The following GRID1 variants were observed in gnomAD, a reference collection of about 807,000 sequenced individuals.
GRID1 encodes the protein glutamate receptor ionotropic, delta-1.
In GRID1, 28 loss-of-function variants were observed where a neutral mutation model predicts 98.0. The ratio of observed to expected loss-of-function variants is 0.29; its 90% CI spans 0.21 to 0.39. The LOEUF (loss-of-function observed/expected upper bound fraction) is 0.39. Ranked by LOEUF, GRID1 falls within the 10% of genes least tolerant of loss-of-function variation. GRID1 has a pLI of 1.00. For synonymous variants in GRID1, 553 were observed against 538.5 expected, an observed-to-expected ratio of 1.03 and a Z score of -0.37; for missense variants, 1,111 against 1,340.5, an observed-to-expected ratio of 0.83 and a Z score of 2.67.
intron 5 of GRID1, among the ~76,000 whole-genome samples, chr10:85,881,963 G>A (rs1274219468): frequency 1.3e-5 from 2 of 152,098 alleles, no homozygotes; most frequent in Non-Finnish European, 2.9e-5. Flanking sequence ...AGTGGGCAAA[G>A]GATATGAACA....
chr10:86,075,782 C>CAA (rs1777914103), intron 4 of GRID1, among the ~76,000 whole-genome samples: 1 of 152,198 alleles, frequency 6.6e-6, no homozygotes, highest in Non-Finnish European at 1.5e-5. Context: ...CATAGGCAAA[C>CAA]AGAAAACACC....
chr10:85,816,800 T>C (rs541725178), intron 8 of GRID1, among the ~76,000 whole-genome samples: 1 of 152,326 alleles, frequency 6.6e-6, no homozygotes, highest in South Asian at 2.1e-4. Context: ...AATTTCATCA[T>C]CCAGGTAATA....
Position 85,602,120 on chromosome 10 carries a change from G to T in GRID1, c.*153C>A, listed in dbSNP as rs1302623445. ...ATACACTTTTACCCCACTCCATTCT[G>T]TCATTATTTACACATATGTACAAGA... On this transcript the variant is annotated 3_prime_UTR_variant, in exon 16 of 16. Coordinates refer to ENST00000327946, the MANE Select transcript of GRID1 (RefSeq NM_017551.3). The T allele has an allele frequency of 9.7e-6, 5 of 512,892 alleles. No individual in the cohort carries two copies. Among genetic ancestry groups the T allele is most frequent in the African/African-American group, 3.8e-5 (2 of 52,888 alleles). The allele number at this position is 512,892 out of a possible 1,614,324, so 31.8% of individuals were successfully genotyped here. A position where few individuals can be genotyped will look rare whatever the true frequency, so the allele number is the denominator to read the frequency against.
At chr10:85,805,431 G>T (rs1274506613) in intron 8 of GRID1, among the ~76,000 whole-genome samples, 1 of 151,526 alleles carries the variant, frequency 6.6e-6, no homozygotes, top group South Asian at 2.1e-4. Flanking sequence ...ACCCTAAATT[G>T]GTCAAAAGAT....
chr10:85,667,274 G>T (rs1224848782), intron 12 of GRID1, among the ~76,000 whole-genome samples: 1 of 151,276 alleles, frequency 6.6e-6, no homozygotes, highest in East Asian at 1.9e-4. Context: ...GTAGAGGCAG[G>T]CATTCTGATA....
intron 4 of GRID1, among the ~76,000 whole-genome samples, chr10:86,136,119 G>T (rs1465884551): frequency 6.6e-6 from 1 of 152,226 alleles, no homozygotes; most frequent in African/African-American, 2.4e-5. Context: ...CAAAGAGGAG[G>T]TTGGGTCAGT....
chr10:86,234,213 T>C (rs1008840581), intron 2 of GRID1, among the ~76,000 whole-genome samples: 1 of 152,106 alleles, frequency 6.6e-6, no homozygotes, highest in Non-Finnish European at 1.5e-5. Flanking sequence ...TCCTCCAATT[T>C]AAAATGGGAG....
chr10:86,280,775 T>C (rs1589435783), intron 2 of GRID1, among the ~76,000 whole-genome samples: 1 of 152,192 alleles, frequency 6.6e-6, no homozygotes, highest in Non-Finnish European at 1.5e-5. Context: ...CTGCTCCCCA[T>C]ACCTCCTCTA....
chr10:86,044,895 C>T (rs904520519), intron 4 of GRID1, among the ~76,000 whole-genome samples: 4 of 152,142 alleles, frequency 2.6e-5, no homozygotes, highest in Non-Finnish European at 4.4e-5. Flanking sequence ...CTTGGTGGAG[C>T]GCAAGAGCAT....
chr10:85,879,864 T>G (rs894399204), intron 5 of GRID1, among the ~76,000 whole-genome samples: 1 of 151,942 alleles, frequency 6.6e-6, no homozygotes, highest in East Asian at 1.9e-4. Flanking sequence ...ACAAAATTGA[T>G]AGACCGCTAG....
Position 85,655,764 on chromosome 10 carries a change from C to T in GRID1, c.1998-8367G>A, listed in dbSNP as rs112687869. Among the ~76,000 whole-genome samples, 476 of 152,254 alleles carry T rather than the reference C, an allele frequency of 3.1e-3. 4 individuals are homozygous for T. Among genetic ancestry groups the T allele is most frequent in the African/African-American group, 9.8e-3 (407 of 41,542 alleles). ...TTGCTTTTCTAGAGAACTCCCTTCT[C>T]GAAAACTAGTGAATAGTTGCCTTCC... On this transcript the variant is annotated intron_variant, in intron 12 of 15. Transcript: ENST00000327946.
At chr10:86,109,557 T>C (rs1036336242) in intron 4 of GRID1, among the ~76,000 whole-genome samples, 4 of 152,218 alleles carry the variant, frequency 2.6e-5, no homozygotes, top group African/African-American at 9.7e-5. Flanking sequence ...TTGTGCCAGG[T>C]TGCCACTGCA....
intron 2 of GRID1, among the ~76,000 whole-genome samples, chr10:86,350,617 G>A (rs1013042684): frequency 6.6e-6 from 1 of 152,124 alleles, no homozygotes; most frequent in Admixed American, 6.5e-5. Context: ...AGACAGCTCT[G>A]GGCAGTTTGT....
intron 13 of GRID1, among the ~76,000 whole-genome samples, chr10:85,640,155 AATGGATGAG>A (rs1317478084): frequency 6.6e-6 from 1 of 152,230 alleles, no homozygotes; most frequent in African/African-American, 2.4e-5. Flanking sequence ...ACATTTCTTG[AATGGATGAG>A]TAAGTTCATA....
intron 2 of GRID1, among the ~76,000 whole-genome samples, chr10:86,339,417 C>T (rs1366703203): frequency 3.3e-5 from 5 of 152,254 alleles, no homozygotes; most frequent in Admixed American, 2.6e-4. Context: ...TTACCCAGTG[C>T]TGGCTCCACC....
chr10:85,972,279 T>G (rs1386342792), intron 4 of GRID1, among the ~76,000 whole-genome samples: 1 of 151,738 alleles, frequency 6.6e-6, no homozygotes, highest in African/African-American at 2.4e-5. Context: ...TTCCATCCTT[T>G]GGCACATTTT....
At chr10:86,182,633 G>C (rs1845672044) in intron 3 of GRID1, among the ~76,000 whole-genome samples, 1 of 152,216 alleles carries the variant, frequency 6.6e-6, no homozygotes, top group South Asian at 2.1e-4. Context: ...TGTGATGTCA[G>C]CTTCTAGATT....
chr10:85,896,430 T>C (rs1439814272), intron 5 of GRID1, among the ~76,000 whole-genome samples: 1 of 152,212 alleles, frequency 6.6e-6, no homozygotes, highest in African/African-American at 2.4e-5. Context: ...GAGCTTAAAA[T>C]TCCAGCTTGT....
chr10:85,949,019 G>A (rs191032617), intron 4 of GRID1, among the ~76,000 whole-genome samples: 50 of 152,188 alleles, frequency 3.3e-4, no homozygotes, highest in African/African-American at 1.2e-3. Flanking sequence ...GAGAGAAACC[G>A]TCTGGACATG....
Sources: allele counts gnomAD v4.1 joint callset (sites outside exome capture counted in the v4.1 genomes callset), GRCh38; gene constraint gnomAD v4.1.1; transcripts MANE v1.5; gene names NCBI Gene and HGNC (gene_info 2026-07-23, HGNC 2026-07-21).